Variants in GHR observed in about 807,000 individuals in gnomAD.
GHR encodes the protein GH receptor.
A neutral mutation model predicts 67.1 loss-of-function variants in GHR; 35 were observed. That is an observed-to-expected ratio of 0.52 (90% CI 0.40 to 0.69). The LOEUF (loss-of-function observed/expected upper bound fraction) is 0.69. GHR is among the 30% of genes least tolerant of loss of function. The probability of loss-of-function intolerance (pLI) is 0.00; values close to 1 mark genes in which losing one functional copy is unlikely to be tolerated. For synonymous variants in GHR, 272 were observed against 269.1 expected, an observed-to-expected ratio of 1.01 and a Z score of -0.10; for missense variants, 792 against 764.6, an observed-to-expected ratio of 1.04 and a Z score of -0.42.
At chr5:42,542,622 AT>A (rs1748564863) in intron 1 of GHR, among the ~76,000 whole-genome samples, 1 of 152,100 alleles carries the variant, frequency 6.6e-6, no homozygotes, top group Non-Finnish European at 1.5e-5. Flanking sequence ...ATTTTTCAAA[AT>A]TTTATACATG....
chr5:42,672,532 C>T (rs1357672216), intron 3 of GHR, among the ~76,000 whole-genome samples: 3 of 152,100 alleles, frequency 2.0e-5, no homozygotes, highest in Admixed American at 2.0e-4. Context: ...ACTCTCTAGT[C>T]AGTAAATGGT....
At chr5:42,571,468 G>C (rs1750311157) in intron 2 of GHR, among the ~76,000 whole-genome samples, 1 of 152,308 alleles carries the variant, frequency 6.6e-6, no homozygotes, top group East Asian at 1.9e-4. Flanking sequence ...GCTAGAGTAT[G>C]TACTTACTCA....
In GHR at chr5:42,719,397, A is replaced by G; in HGVS notation, c.1890A>G (p.Thr630=). ...EFLSSCGYVS[T]DQLNKIMP Reference sequence around the variant, plus strand: ...TCTCATCATGTGGCTATGTGAGCACAGACCAACTGAACAAAATCATGCCTT... The same window carrying G: ...TCTCATCATGTGGCTATGTGAGCACGGACCAACTGAACAAAATCATGCCTT... Residue 630 remains threonine, a synonymous_variant, in exon 10 of 10, where the codon ACA becomes ACG. Coordinates refer to ENST00000230882, the MANE Select transcript of GHR (RefSeq NM_000163.5). The G allele has an allele frequency of 3.1e-6, 5 of 1,613,760 alleles. No individual in the cohort carries two copies. The highest frequency in any genetic ancestry group is 4.2e-6 in the Non-Finnish European group (5 of 1,179,958).
chr5:42,602,311 C>G (rs975081055), intron 2 of GHR, among the ~76,000 whole-genome samples: 3 of 152,074 alleles, frequency 2.0e-5, no homozygotes, highest in Non-Finnish European at 2.9e-5. Context: ...ATTTGAACTA[C>G]GTTTTCACAT....
intron 1 of GHR, among the ~76,000 whole-genome samples, chr5:42,548,819 C>T (rs1748868125): frequency 6.6e-6 from 1 of 152,168 alleles, no homozygotes; most frequent in Non-Finnish European, 1.5e-5. Context: ...TGGCTGCCTT[C>T]CTCCTTGTCT....
At chr5:42,432,880 T>C (rs188541855) in intron 1 of GHR, among the ~76,000 whole-genome samples, 1 of 152,312 alleles carries the variant, frequency 6.6e-6, no homozygotes, top group Admixed American at 6.5e-5. Flanking sequence ...AGAATAGGTG[T>C]TCAGTAAATA....
chr5:42,529,178 A>T (rs1747845140), intron 1 of GHR, among the ~76,000 whole-genome samples: 1 of 151,848 alleles, frequency 6.6e-6, no homozygotes, highest in South Asian at 2.1e-4. Flanking sequence ...TGCCCAGCTA[A>T]TTTTTTGTAT....
At chr5:42,445,307 A>T (rs1743760333) in intron 1 of GHR, among the ~76,000 whole-genome samples, 1 of 152,236 alleles carries the variant, frequency 6.6e-6, no homozygotes, top group Non-Finnish European at 1.5e-5. Flanking sequence ...TTGCTAATGC[A>T]CATTATGAGG....
chr5:42,587,230 T>C (rs1419994822), intron 2 of GHR, among the ~76,000 whole-genome samples: 4 of 152,210 alleles, frequency 2.6e-5, no homozygotes, highest in African/African-American at 9.7e-5. Context: ...GGCATTATGC[T>C]TTTCTGAGGA....
At chr5:42,583,329 T>G (rs1751289431) in intron 2 of GHR, among the ~76,000 whole-genome samples, 2 of 152,132 alleles carry the variant, frequency 1.3e-5, no homozygotes, top group African/African-American at 4.8e-5. Flanking sequence ...TTACTCAAGA[T>G]CTTACCTTTT....
chr5:42,622,493 A>G (rs1753499860), intron 2 of GHR, among the ~76,000 whole-genome samples: 1 of 152,186 alleles, frequency 6.6e-6, no homozygotes, highest in South Asian at 2.1e-4. Flanking sequence ...CAAGGTAAGC[A>G]TACACATTCC....
In GHR at chr5:42,519,932, A is replaced by G. The variant is rs187290022; in HGVS notation, c.-11-45932A>G. On this transcript the variant is annotated intron_variant, in intron 1 of 9. Transcript: ENST00000230882. Reference sequence around the variant, plus strand: ...TTTGTTCATTGATTTGTCCACTAAGACATGCATGCATGTATTCAGTGAGTA... The same window carrying G: ...TTTGTTCATTGATTTGTCCACTAAGGCATGCATGCATGTATTCAGTGAGTA... Among the ~76,000 whole-genome samples, 152 of 152,298 alleles carry G rather than the reference A, an allele frequency of 1.0e-3. 5 individuals carry two copies. The highest frequency in any genetic ancestry group is 9.1e-3 in the Admixed American group (139 of 15,290).
chr5:42,548,208 G>C (rs1748826800), intron 1 of GHR: 6 of 984,482 alleles, frequency 6.1e-6, no homozygotes, highest in Non-Finnish European at 7.2e-6. Context: ...TACTCCTCTG[G>C]TACCAGATAT....
chr5:42,692,358 G>A (rs1215735267), intron 4 of GHR, among the ~76,000 whole-genome samples: 1 of 151,738 alleles, frequency 6.6e-6, no homozygotes, highest in Non-Finnish European at 1.5e-5. Context: ...AGATAGTCTG[G>A]GAGCAAACCT....
intron 3 of GHR, among the ~76,000 whole-genome samples, chr5:42,656,535 T>C (rs1755265516): frequency 6.6e-6 from 1 of 152,176 alleles, no homozygotes; most frequent in Non-Finnish European, 1.5e-5. Flanking sequence ...CCATTCTCTA[T>C]TATTATGCTG....
intron 3 of GHR, among the ~76,000 whole-genome samples, chr5:42,660,111 C>T (rs969694745): frequency 3.9e-5 from 6 of 152,182 alleles, no homozygotes; most frequent in South Asian, 4.1e-4. Context: ...GCGGGAATCT[C>T]GAACTGGGTG....
intron 1 of GHR, among the ~76,000 whole-genome samples, chr5:42,440,145 G>C (rs1265310528): frequency 6.6e-6 from 1 of 152,222 alleles, no homozygotes; most frequent in Non-Finnish European, 1.5e-5. Context: ...ACTTTGCCCA[G>C]TGGAGCACTG....
intron 6 of GHR, among the ~76,000 whole-genome samples, chr5:42,701,945 AT>A (rs1020350105): frequency 2.6e-5 from 4 of 152,166 alleles, no homozygotes; most frequent in African/African-American, 7.2e-5. Flanking sequence ...ATGATCAAAA[AT>A]TTTTTTGTAT....
chr5:42,582,217 A>C (rs1751213337), intron 2 of GHR, among the ~76,000 whole-genome samples: 1 of 152,252 alleles, frequency 6.6e-6, no homozygotes, highest in South Asian at 2.1e-4. Flanking sequence ...GCTCCTGGGC[A>C]GAAAGAGGCC....
Sources: allele counts gnomAD v4.1 joint callset (sites outside exome capture counted in the v4.1 genomes callset), GRCh38; gene constraint gnomAD v4.1.1; transcripts MANE v1.5; gene names NCBI Gene and HGNC (gene_info 2026-07-23, HGNC 2026-07-21).